AGL: variants seen among roughly 807,000 people sequenced by gnomAD.
AGL encodes amylo-alpha-1,6-glucosidase and 4-alpha-glucanotransferase, also known as glycogen debranching enzyme.
In AGL, 128 loss-of-function variants were observed where a neutral mutation model predicts 199.3. That is an observed-to-expected ratio of 0.64 (90% CI 0.56 to 0.74). The LOEUF is 0.74. AGL is among the 30% of genes least tolerant of loss of function. The pLI is 0.00. For synonymous variants in AGL, 584 were observed against 594.7 expected (o/e 0.98, Z 0.26); for missense variants, 1,809 against 1,820.8 (o/e 0.99, Z 0.12).
intron 5 of AGL, among the ~76,000 whole-genome samples, chr1:99,867,766 G>A (rs1650646247): frequency 6.6e-6 from 1 of 152,012 alleles, no homozygotes; most frequent in Admixed American, 6.6e-5. Context: ...ATATTGGCCA[G>A]GTTCGTCTCA....
chr1:99,853,129 C>T (rs1187819460), intron 2 of AGL, among the ~76,000 whole-genome samples: 2 of 152,086 alleles, frequency 1.3e-5, no homozygotes, highest in Non-Finnish European at 2.9e-5. Context: ...AATATAGATG[C>T]CAGAATAATC....
intron 30 of AGL, among the ~76,000 whole-genome samples, chr1:99,915,173 A>G (rs1655020335): frequency 6.6e-6 from 1 of 152,190 alleles, no homozygotes. Flanking sequence ...ACACAGAGAA[A>G]TAATCACCTC....
intron 10 of AGL, 102 bp from the exon 11 acceptor site, chr1:99,876,355 TA>T: frequency 1.1e-6 from 1 of 906,790 alleles, no homozygotes. Flanking sequence ...AAACTTATTT[TA>T]TTCTATTCAT....
In AGL at chr1:99,916,682, A is replaced by G. The variant is rs746000753; in HGVS notation, c.4432A>G (p.Ile1478Val). The G allele has an allele frequency of 3.7e-6, 6 of 1,613,350 alleles. No individual in the cohort carries two copies. The highest frequency in any genetic ancestry group is 2.2e-5 in the East Asian group (1 of 44,808). ...LMGPETTAKTIVLVKNVLSRH... is the reference protein window; with the variant it reads ...LMGPETTAKTVVLVKNVLSRH... ...GGGCCCGGAGACTACTGCAAAGACTATAGTTTTGGTTAAAAATGTTCTTTC... is the reference window on the plus strand; with the variant it reads ...GGGCCCGGAGACTACTGCAAAGACTGTAGTTTTGGTTAAAAATGTTCTTTC... Residue 1478 changes from isoleucine to valine, a missense_variant, in exon 33 of 34, where the codon ATA becomes GTA. Coordinates refer to ENST00000361915, the MANE Select transcript of AGL (RefSeq NM_000642.3).
intron 7 of AGL, among the ~76,000 whole-genome samples, chr1:99,873,934 A>C (rs1477976385): frequency 2.6e-5 from 4 of 152,244 alleles, no homozygotes; most frequent in African/African-American, 9.6e-5. Context: ...ATTAGTTAAT[A>C]TAAAATCAAG....
intron 25 of AGL, among the ~76,000 whole-genome samples, chr1:99,898,237 C>G (rs200401281): frequency 2.6e-5 from 4 of 151,776 alleles, no homozygotes; most frequent in Non-Finnish European, 4.4e-5. Flanking sequence ...TAGTAGAGAC[C>G]GGGTTTCACC....
intron 20 of AGL, among the ~76,000 whole-genome samples, 169 bp downstream of exon 20, chr1:99,884,872 A>AT (rs1427149962): frequency 6.6e-6 from 1 of 152,132 alleles, no homozygotes; most frequent in Non-Finnish European, 1.5e-5. Flanking sequence ...TTGTTTTATA[A>AT]TTTGTGTGTG....
At chr1:99,875,758 G>C (rs1219920715) in intron 10 of AGL, among the ~76,000 whole-genome samples, 1 of 152,152 alleles carries the variant, frequency 6.6e-6, no homozygotes, top group African/African-American at 2.4e-5. Flanking sequence ...TCCTTACTTT[G>C]TAAGTGACAT....
chr1:99,870,044 ATTTAT>A (rs747560928), intron 5 of AGL, among the ~76,000 whole-genome samples: 47 of 152,182 alleles, frequency 3.1e-4, no homozygotes, highest in Non-Finnish European at 5.9e-4. Context: ...CCTTGAGCGT[ATTTAT>A]TTTAGCACTT....
chr1:99,913,762 A>G (rs1654920821), intron 30 of AGL, 24 bp downstream of exon 30: 2 of 1,602,382 alleles, frequency 1.2e-6, no homozygotes, highest in Non-Finnish European at 1.7e-6. Context: ...TTGTAAAAAC[A>G]TTTCAAAAAA....
intron 4 of AGL, among the ~76,000 whole-genome samples, chr1:99,863,522 G>T (rs545608159): frequency 1.3e-5 from 2 of 151,578 alleles, no homozygotes. Flanking sequence ...GCGCAATCTC[G>T]GCTCACTGCA....
At chr1:99,881,512 C>T in intron 16 of AGL, 29 bp from the exon 17 acceptor site, 1 of 1,613,960 alleles carries the variant, frequency 6.2e-7, no homozygotes. Flanking sequence ...AGTTTGAGAG[C>T]TAATCTAGTT....
rs771807071 is a variant in AGL, at chr1:99,870,732, A to AT, written c.847-20dup. 2.2e-5 allele frequency: 33 copies of AT among 1,485,774 alleles called. No homozygotes were observed. The highest frequency in any genetic ancestry group is 1.1e-4 in the African/African-American group (8 of 71,306). The allele number at this position is 1,485,774 out of a possible 1,614,324, so 92.0% of individuals were successfully genotyped here. A position where few individuals can be genotyped will look rare whatever the true frequency, so the allele number is the denominator to read the frequency against. ...TTTAAATAAGTATATGTATATATGT[A>AT]TTTTTTAACTATTGACATTTTTCAG... is the stretch of plus-strand genomic sequence containing the variant. On this transcript the variant is annotated intron_variant, in intron 6 of 33. Transcript: ENST00000361915.
intron 27 of AGL, among the ~76,000 whole-genome samples, chr1:99,907,485 G>A (rs1344283262): frequency 6.6e-6 from 1 of 152,086 alleles, no homozygotes; most frequent in East Asian, 1.9e-4. Flanking sequence ...AGAACTTGCT[G>A]GATCATATGA....
chr1:99,895,110 G>A (rs568682544), intron 24 of AGL, among the ~76,000 whole-genome samples: 189 of 152,116 alleles, frequency 1.2e-3, no homozygotes, highest in Admixed American at 2.5e-3. Flanking sequence ...GTACAATAGC[G>A]TGATCTCGGC....
rs1243016317 is a variant in AGL at position 99,875,353 on chromosome 1, T to C, written c.1186-5T>C. ...GATGATCTAACACAATTTAATGTTT[T>C]TCAGGCAGTTAATTGCCTTTTGGGA... On this transcript the variant is annotated splice_region_variant and splice_polypyrimidine_tract_variant and intron_variant, in intron 9 of 33. Transcript: ENST00000361915. The C allele has an allele frequency of 6.2e-7, 1 of 1,613,994 alleles. No homozygotes were observed. Among genetic ancestry groups the C allele is most frequent in the East Asian group, 2.2e-5 (1 of 44,878 alleles).
At chr1:99,911,865 T>G (rs1654775580) in intron 28 of AGL, among the ~76,000 whole-genome samples, 1 of 152,178 alleles carries the variant, frequency 6.6e-6, no homozygotes, top group Non-Finnish European at 1.5e-5. Context: ...GGAGGATAGC[T>G]TGAACCCAGG....
At chr1:99,882,815 A>T (rs1459527847) in intron 17 of AGL, among the ~76,000 whole-genome samples, 3 of 152,326 alleles carry the variant, frequency 2.0e-5, no homozygotes, top group East Asian at 3.9e-4. Flanking sequence ...GAAAATTCCT[A>T]TAAAAATCAT....
At chr1:99,887,644 C>CT (rs1553187867) in intron 20 of AGL, among the ~76,000 whole-genome samples, 1 of 152,008 alleles carries the variant, frequency 6.6e-6, no homozygotes, top group African/African-American at 2.4e-5. Flanking sequence ...AAGGAAAACA[C>CT]TAAGTCCAAA....
Sources: gnomAD v4.1 joint callset for allele counts (sites outside exome capture counted in the v4.1 genomes callset) on GRCh38, gnomAD v4.1.1 for gene constraint, MANE v1.5 for transcripts, NCBI Gene and HGNC (gene_info 2026-07-23, HGNC 2026-07-21) for gene names.